Variants in RIMKLB observed in about 807,000 individuals in gnomAD.
The protein encoded by RIMKLB is ribosomal modification protein rimK like family member B.
Under a neutral mutation model 32.0 loss-of-function variants are expected in RIMKLB, and 7 were observed. The observed-to-expected ratio is 0.22, with a 90% confidence interval of 0.12 to 0.41. The LOEUF (loss-of-function observed/expected upper bound fraction) is 0.41, where lower values mean the gene tolerates loss of function less well. Among genes scored for constraint, RIMKLB ranks in the 10% least tolerant of loss-of-function variants. RIMKLB has a pLI of 1.00. For missense variants in RIMKLB, 289 were observed against 498.7 expected (o/e 0.58, Z 4.00); for synonymous variants, 172 against 185.1 (o/e 0.93, Z 0.57).
intron 2 of RIMKLB, among the ~76,000 whole-genome samples, chr12:8,745,072 C>T (rs986863703): frequency 2.0e-5 from 3 of 151,884 alleles, no homozygotes; most frequent in Non-Finnish European, 2.9e-5. Flanking sequence ...TCAACTCCCA[C>T]CTGTGAGTGA....
At chr12:8,707,605 G>A (rs889340130) in intron 1 of RIMKLB, among the ~76,000 whole-genome samples, 4 of 152,140 alleles carry the variant, frequency 2.6e-5, no homozygotes, top group Admixed American at 6.5e-5. Flanking sequence ...CCCGTCTCCC[G>A]TCTCCAGAGG....
upstream of RIMKLB, among the ~76,000 whole-genome samples, chr12:8,677,956 T>C (rs1942353720): frequency 6.6e-6 from 1 of 150,978 alleles, no homozygotes; most frequent in Non-Finnish European, 1.5e-5. Context: ...ATTTATTTAT[T>C]TATTTTTGTA....
upstream of RIMKLB, among the ~76,000 whole-genome samples, chr12:8,693,593 C>T (rs1942796471): frequency 1.3e-5 from 2 of 151,916 alleles, no homozygotes; most frequent in Admixed American, 1.3e-4. Flanking sequence ...GATGGGGTTT[C>T]ACCATGTTGG....
At chr12:8,709,732 A>G (rs1264354267) in intron 1 of RIMKLB, among the ~76,000 whole-genome samples, 2 of 152,178 alleles carry the variant, frequency 1.3e-5, no homozygotes, top group East Asian at 3.9e-4. Context: ...GTACAACAGG[A>G]TATTTTGAGA....
At chr12:8,772,130 C>T (rs1236101568) in intron 5 of RIMKLB, among the ~76,000 whole-genome samples, 1 of 152,180 alleles carries the variant, frequency 6.6e-6, no homozygotes, top group East Asian at 1.9e-4. Flanking sequence ...CTCAAGTGAT[C>T]CACCTCAGCC....
At chr12:8,749,100 C>T (rs1164189412) in intron 2 of RIMKLB, among the ~76,000 whole-genome samples, 1 of 152,096 alleles carries the variant, frequency 6.6e-6, no homozygotes. Context: ...ACATACAAAA[C>T]ATAATATAGA....
chr12:8,671,577 G>C, the RIMKLB span, among the ~76,000 whole-genome samples: 1 of 151,844 alleles, frequency 6.6e-6, no homozygotes, highest in Non-Finnish European at 1.5e-5. Flanking sequence ...TGCACAGTCA[G>C]GTTGCAAATT....
In RIMKLB at chr12:8,766,742, A is replaced by G. The variant is rs181473622; in HGVS notation, c.698-6579A>G. On this transcript the variant is annotated intron_variant, in intron 5 of 5. Coordinates refer to ENST00000535829, the MANE Select transcript of RIMKLB (RefSeq NM_001297776.2). ...CTCCTAGGTCTGGTCAGACCTTTGT[A>G]TGGTAATTAAGATTTAAATCCCCTG... is the stretch of plus-strand genomic sequence containing the variant. 2.9e-3 allele frequency among the ~76,000 whole-genome samples: 447 copies of G among 152,288 alleles called. 4 individuals are homozygous for G. The highest frequency in any genetic ancestry group is 0.01 in the African/African-American group (416 of 41,552).
At chr12:8,731,940 C>T (rs1034765856) in intron 2 of RIMKLB, among the ~76,000 whole-genome samples, 3 of 151,958 alleles carry the variant, frequency 2.0e-5, no homozygotes, top group Non-Finnish European at 2.9e-5. Flanking sequence ...GCCTGTTTTT[C>T]TTACTTTTTT....
chr12:8,723,932 C>T (rs1373271834), intron 2 of RIMKLB, among the ~76,000 whole-genome samples: 1 of 150,744 alleles, frequency 6.6e-6, no homozygotes, highest in African/African-American at 2.4e-5. Flanking sequence ...CTTTCCACCT[C>T]AGCCTGCCAA....
chr12:8,741,433 A>T (rs1046870978), intron 2 of RIMKLB, among the ~76,000 whole-genome samples: 8 of 151,402 alleles, frequency 5.3e-5, no homozygotes, highest in Non-Finnish European at 1.0e-4. Flanking sequence ...ATGGAAGGAA[A>T]AAATAAATCA....
At chr12:8,779,670 A>G (rs774444473), downstream of RIMKLB, 8 of 152,316 alleles carry the variant, frequency 5.3e-5, no homozygotes, top group Non-Finnish European at 2.9e-5. Context: ...AGGGTGGAAC[A>G]AAAACAAGCC....
rs1038026469 is a variant in RIMKLB, at chr12:8,761,531, C to G, written c.697+7438C>G. Among the ~76,000 whole-genome samples, 3 of 152,230 alleles carry G rather than the reference C, an allele frequency of 2.0e-5. No homozygotes were observed. The East Asian group carries it at 5.8e-4, about 29-fold the overall frequency. On this transcript the variant is annotated intron_variant, in intron 5 of 5. Coordinates refer to ENST00000535829, the MANE Select transcript of RIMKLB (RefSeq NM_001297776.2). ...TTTATATACCGATCATTGCCCCTCC[C>G]CCTGTGCTCTTCAGGCGATAATATG...
chr12:8,672,568 A>G, the RIMKLB span, among the ~76,000 whole-genome samples: 3 of 152,210 alleles, frequency 2.0e-5, 1 homozygote, highest in East Asian at 5.8e-4. Context: ...ATCTCATGAG[A>G]CTTAATCACT....
At chr12:8,718,711 A>G (rs754160679) in intron 2 of RIMKLB, among the ~76,000 whole-genome samples, 363 of 125,440 alleles carry the variant, frequency 2.9e-3, no homozygotes, top group Admixed American at 5.1e-3. Flanking sequence ...GTGTGTGTGT[A>G]TAATCATTTT....
At chr12:8,721,370 G>A (rs1304911719) in intron 2 of RIMKLB, among the ~76,000 whole-genome samples, 1 of 152,186 alleles carries the variant, frequency 6.6e-6, no homozygotes, top group African/African-American at 2.4e-5. Flanking sequence ...TTCAAAATTG[G>A]AGTCAGTCCT....
chr12:8,738,593 T>C (rs1318293401), intron 2 of RIMKLB, among the ~76,000 whole-genome samples: 1 of 152,220 alleles, frequency 6.6e-6, no homozygotes, highest in African/African-American at 2.4e-5. Flanking sequence ...ATAAGACTTT[T>C]AAATCTTTTT....
At chr12:8,674,260 A>T in the RIMKLB span, among the ~76,000 whole-genome samples, 6 of 121,212 alleles carry the variant, frequency 4.9e-5, no homozygotes, top group East Asian at 2.4e-4. Flanking sequence ...TTTTTTTGAG[A>T]CGGAGTCTCG....
rs147640938 is a variant in RIMKLB at position 8,705,200 on chromosome 12, G to T, written c.-57+6903G>T. 4.6e-5 allele frequency among the ~76,000 whole-genome samples: 7 copies of T among 152,276 alleles called. No homozygotes were observed. In the East Asian group the frequency reaches 1.3e-3, roughly 29 times the overall value. On this transcript the variant is annotated intron_variant, in intron 1 of 5. Transcript: ENST00000535829. ...CTGGAGATAAGAGTAAAGTGGGCCA[G>T]GCATGGTGGCTCATACCTGTAATCC...
Sources: gnomAD v4.1 joint callset for allele counts (sites outside exome capture counted in the v4.1 genomes callset) on GRCh38, gnomAD v4.1.1 for gene constraint, MANE v1.5 for transcripts, NCBI Gene and HGNC (gene_info 2026-07-23, HGNC 2026-07-21) for gene names.